Variants in PAM observed in about 807,000 individuals in gnomAD.
PAM encodes the protein peptidylglycine alpha-amidating monooxygenase.
Under a neutral mutation model 122.1 loss-of-function variants are expected in PAM, and 72 were observed. The observed-to-expected ratio is 0.59, with a 90% CI of 0.49 to 0.72. PAM has a LOEUF of 0.72. Among genes scored for constraint, PAM ranks in the 30% least tolerant of loss-of-function variants. PAM has a pLI of 0.00. For missense variants in PAM, 1,106 were observed against 1,183.7 expected, an observed-to-expected ratio of 0.93 and a Z score of 0.96; for synonymous variants, 389 against 404.4, an observed-to-expected ratio of 0.96 and a Z score of 0.46.
At chr5:102,970,693 G>C (rs1165272295) in intron 14 of PAM, among the ~76,000 whole-genome samples, 1 of 152,196 alleles carries the variant, frequency 6.6e-6, no homozygotes, top group Non-Finnish European at 1.5e-5. Context: ...AGAAGGTACA[G>C]ATACAGCCTC....
At chr5:102,965,162 G>GACAC (rs66633444) in intron 14 of PAM, among the ~76,000 whole-genome samples, 5,513 of 138,722 alleles carry the variant, frequency 0.04, 114 homozygotes, top group East Asian at 0.06. Flanking sequence ...TTCCAAAGCA[G>GACAC]ACACACACAC....
chr5:102,916,729 T>C (rs1803238910), intron 5 of PAM, among the ~76,000 whole-genome samples: 1 of 147,522 alleles, frequency 6.8e-6, no homozygotes, highest in Admixed American at 6.8e-5. Flanking sequence ...ATATCATATA[T>C]TTATTTTATA....
At chr5:102,881,237 T>G (rs887520776) in intron 3 of PAM, among the ~76,000 whole-genome samples, 2 of 151,740 alleles carry the variant, frequency 1.3e-5, no homozygotes, top group Admixed American at 6.6e-5. Flanking sequence ...TAAAATACTA[T>G]GTATATAAAG....
intron 15 of PAM, among the ~76,000 whole-genome samples, chr5:102,986,976 A>G (rs545861841): frequency 1.1e-4 from 16 of 152,240 alleles, no homozygotes; most frequent in African/African-American, 3.6e-4. Flanking sequence ...ACCCAGTCTC[A>G]GGTATGTCTT....
intron 1 of PAM, among the ~76,000 whole-genome samples, chr5:102,758,756 T>C (rs1395195239): frequency 6.6e-6 from 1 of 152,226 alleles, no homozygotes; most frequent in East Asian, 1.9e-4. Context: ...CTAATCCATG[T>C]GTGGTTCTTA....
intron 23 of PAM, among the ~76,000 whole-genome samples, chr5:103,020,064 A>C (rs1297891919): frequency 6.6e-6 from 1 of 152,086 alleles, no homozygotes; most frequent in Non-Finnish European, 1.5e-5. Context: ...ACTGATTTCA[A>C]GTGATAGAAA....
chr5:102,785,534 G>A (rs1436687699), intron 1 of PAM, among the ~76,000 whole-genome samples: 1 of 152,144 alleles, frequency 6.6e-6, no homozygotes, highest in Non-Finnish European at 1.5e-5. Context: ...GGTGGTTATA[G>A]GAAGGAAGGA....
intron 5 of PAM, among the ~76,000 whole-genome samples, chr5:102,919,506 T>G (rs1159314230): frequency 6.6e-6 from 1 of 152,070 alleles, no homozygotes; most frequent in East Asian, 1.9e-4. Flanking sequence ...AATCCTCTCT[T>G]TGTTTTTTCT....
At chr5:102,981,399 TA>T (rs1769792325) in intron 15 of PAM, among the ~76,000 whole-genome samples, 1 of 152,342 alleles carries the variant, frequency 6.6e-6, no homozygotes, top group East Asian at 1.9e-4. Flanking sequence ...TTATTGATAG[TA>T]ATCAGCCAAT....
intron 6 of PAM, 71 bp downstream of exon 6, chr5:102,925,113 T>C: frequency 2.5e-6 from 2 of 814,202 alleles, no homozygotes; most frequent in East Asian, 2.4e-5. Flanking sequence ...CTTTTCATTA[T>C]AGTCCTTTCT....
At chr5:102,833,818 A>G (rs1776145094) in intron 1 of PAM, among the ~76,000 whole-genome samples, 1 of 152,158 alleles carries the variant, frequency 6.6e-6, no homozygotes, top group African/African-American at 2.4e-5. Context: ...CCCTGTCCCC[A>G]GGAAGCCACA....
intron 1 of PAM, among the ~76,000 whole-genome samples, chr5:102,821,505 C>T (rs956371834): frequency 5.9e-5 from 9 of 152,122 alleles, no homozygotes; most frequent in Non-Finnish European, 1.2e-4. Context: ...TTTACAAATA[C>T]CCACTTGTAC....
intron 11 of PAM, 32 bp from the exon 12 acceptor site, chr5:102,950,685 T>G (rs376562284): frequency 1.4e-5 from 18 of 1,242,750 alleles, no homozygotes; most frequent in Non-Finnish European, 2.1e-5. Context: ...ATTGGTAATA[T>G]TAATGATTCA....
intron 1 of PAM, among the ~76,000 whole-genome samples, chr5:102,819,885 C>T (rs558479598): frequency 5.3e-5 from 8 of 152,268 alleles, no homozygotes; most frequent in Middle Eastern, 3.4e-3. Flanking sequence ...ATCAACACTC[C>T]TCTCTGCTGA....
chr5:102,902,720 AT>A lies in PAM; in HGVS notation c.268+1316del, dbSNP rs1242552862. On this transcript the variant is annotated intron_variant, in intron 4 of 25. Coordinates refer to ENST00000438793, the MANE Select transcript of PAM (RefSeq NM_001177306.2). Reference sequence around the variant, plus strand: ...TACTCGCAAAAGGAATTTCCCATGAATTTTTTTTTCCTAATTTATATTTTCT... The same window carrying A: ...TACTCGCAAAAGGAATTTCCCATGAATTTTTTTTCCTAATTTATATTTTCT... Among the ~76,000 whole-genome samples, 5 of 150,816 alleles carry A rather than the reference AT, an allele frequency of 3.3e-5. No homozygotes were observed. The East Asian group carries it at 5.9e-4, about 18-fold the overall frequency.
intron 1 of PAM, among the ~76,000 whole-genome samples, chr5:102,787,892 A>AT (rs1345810435): frequency 6.6e-6 from 1 of 152,068 alleles, no homozygotes; most frequent in Non-Finnish European, 1.5e-5. Flanking sequence ...TTATTAAATT[A>AT]TTCATGTATG....
At chr5:102,954,738 TAA>T (rs1200320827) in intron 12 of PAM, among the ~76,000 whole-genome samples, 34 of 152,180 alleles carry the variant, frequency 2.2e-4, no homozygotes, top group Non-Finnish European at 3.2e-4. Context: ...AGAATTTAAT[TAA>T]GTCAGCCAAT....
intron 23 of PAM, among the ~76,000 whole-genome samples, chr5:103,021,620 G>A (rs575867989): frequency 6.6e-6 from 1 of 152,280 alleles, no homozygotes; most frequent in African/African-American, 2.4e-5. Flanking sequence ...TTATTGAAAT[G>A]TCTTGCCTTG....
chr5:102,970,697 C>T (rs1765546670), intron 14 of PAM, among the ~76,000 whole-genome samples: 1 of 152,214 alleles, frequency 6.6e-6, no homozygotes, highest in Non-Finnish European at 1.5e-5. Flanking sequence ...GGTACAGATA[C>T]AGCCTCCTTT....
Sources: gnomAD v4.1 joint callset for allele counts (sites outside exome capture counted in the v4.1 genomes callset) on GRCh38, gnomAD v4.1.1 for gene constraint, MANE v1.5 for transcripts, NCBI Gene and HGNC (gene_info 2026-07-23, HGNC 2026-07-21) for gene names.